The following TAFA1 variants were observed in gnomAD, a reference collection of about 807,000 sequenced individuals.
TAFA1 encodes chemokine-like protein TAFA-1.
A neutral mutation model predicts 18.5 loss-of-function variants in TAFA1; 4 were observed. That is an observed-to-expected ratio of 0.22 (90% confidence interval 0.11 to 0.49). The LOEUF is 0.49. TAFA1 is among the 20% of genes least tolerant of loss of function. The pLI, the probability that TAFA1 is intolerant of heterozygous loss-of-function variation, is 0.98. For missense variants in TAFA1, 147 were observed against 169.0 expected, an observed-to-expected ratio of 0.87 and a Z score of 0.72; for synonymous variants, 56 against 55.2, an observed-to-expected ratio of 1.01 and a Z score of -0.06.
At chr3:68,185,236 G>A (rs1362041863) in intron 2 of TAFA1, among the ~76,000 whole-genome samples, 1 of 152,086 alleles carries the variant, frequency 6.6e-6, no homozygotes, top group Non-Finnish European at 1.5e-5. Flanking sequence ...TAAAGTGAGG[G>A]TAAGAAGGGA....
At position 68,186,030 on chromosome 3, in the gene TAFA1, G is replaced by A. The variant is rs561663928; in HGVS notation, c.118+179286G>A. On this transcript the variant is annotated intron_variant, in intron 2 of 4. Coordinates refer to ENST00000478136, the MANE Select transcript of TAFA1 (RefSeq NM_213609.4). The stretch of plus-strand genomic sequence containing the variant: ...TGCTCCTTGTCAAAAAGGGAGGTGA[G>A]CAGTGTTAGGAGGTAAAGTCCTCCA... Among the ~76,000 whole-genome samples the A allele has an allele frequency of 3.3e-5, 5 of 152,208 alleles. No homozygotes were observed. In the East Asian group the frequency reaches 7.7e-4, roughly 24 times the overall value.
intron 2 of TAFA1, among the ~76,000 whole-genome samples, chr3:68,261,822 C>T (rs1248559863): frequency 4.0e-5 from 6 of 151,818 alleles, no homozygotes; most frequent in East Asian, 1.9e-4. Flanking sequence ...TGCTAAATGA[C>T]GAGTTAATGT....
intron 3 of TAFA1, among the ~76,000 whole-genome samples, chr3:68,497,296 C>T (rs1575923548): frequency 6.6e-6 from 1 of 152,012 alleles, no homozygotes; most frequent in East Asian, 1.9e-4. Flanking sequence ...GTTAGTAGGC[C>T]ACTGGAATGT....
intron 4 of TAFA1, 91 bp downstream of exon 4, chr3:68,538,971 A>C: frequency 4.4e-6 from 6 of 1,353,146 alleles, no homozygotes; most frequent in Non-Finnish European, 6.1e-6. Context: ...GAAGCTTTGC[A>C]CAGGAGAGAA....
At chr3:68,292,734 G>C (rs76991685) in intron 2 of TAFA1, among the ~76,000 whole-genome samples, 3,368 of 152,026 alleles carry the variant, frequency 0.022, 122 homozygotes, top group African/African-American at 0.077. Context: ...TGGTAGACAG[G>C]GTCTCGCTAT....
intron 2 of TAFA1, among the ~76,000 whole-genome samples, chr3:68,251,841 T>G (rs2067202167): frequency 6.6e-6 from 1 of 152,214 alleles, no homozygotes; most frequent in Non-Finnish European, 1.5e-5. Flanking sequence ...ATCAGCCATA[T>G]GTAGGTGCCA....
chr3:68,539,932 T>C (rs1000247952), intron 4 of TAFA1, among the ~76,000 whole-genome samples: 16 of 151,964 alleles, frequency 1.1e-4, no homozygotes, highest in Non-Finnish European at 2.1e-4. Flanking sequence ...GCCTGTGGAG[T>C]ATTTTTTAAA....
At chr3:68,135,211 T>C (rs2065593007) in intron 2 of TAFA1, among the ~76,000 whole-genome samples, 1 of 152,164 alleles carries the variant, frequency 6.6e-6, no homozygotes, top group African/African-American at 2.4e-5. Flanking sequence ...GCCTGGAAAA[T>C]GCAGTTTTTT....
chr3:68,306,482 A>C (rs1224910993), intron 2 of TAFA1, among the ~76,000 whole-genome samples: 2 of 151,634 alleles, frequency 1.3e-5, no homozygotes, highest in Non-Finnish European at 2.9e-5. Context: ...TATTCTTTTT[A>C]AACTCACATA....
At chr3:68,541,803 C>T (rs1414883616) in intron 4 of TAFA1, among the ~76,000 whole-genome samples, 1 of 152,168 alleles carries the variant, frequency 6.6e-6, no homozygotes, top group Non-Finnish European at 1.5e-5. Context: ...CTATAAAAGA[C>T]TGTTCCAAAC....
intron 2 of TAFA1, among the ~76,000 whole-genome samples, chr3:68,358,016 T>C (rs1575802498): frequency 6.6e-6 from 1 of 151,982 alleles, no homozygotes; most frequent in African/African-American, 2.4e-5. Context: ...AAAAGTATTA[T>C]GTATTCATTA....
chr3:68,270,959 A>G (rs947896166), intron 2 of TAFA1, among the ~76,000 whole-genome samples: 1 of 152,174 alleles, frequency 6.6e-6, no homozygotes, highest in Non-Finnish European at 1.5e-5. Flanking sequence ...TTTTCCGTCC[A>G]TGTTAATCAA....
chr3:68,399,426 A>G (rs947328589), intron 2 of TAFA1, among the ~76,000 whole-genome samples: 1 of 152,150 alleles, frequency 6.6e-6, no homozygotes, highest in African/African-American at 2.4e-5. Flanking sequence ...TTGACTAAGA[A>G]TCAGTTCAAT....
chr3:68,129,774 C>G lies in TAFA1; in HGVS notation c.118+123030C>G, dbSNP rs182936694. 1.1e-3 allele frequency among the ~76,000 whole-genome samples: 162 copies of G among 152,276 alleles called. 2 individuals are homozygous for G. Among genetic ancestry groups the G allele is most frequent in the Admixed American group, 9.7e-3 (149 of 15,290 alleles). On this transcript the variant is annotated intron_variant, in intron 2 of 4. Coordinates refer to ENST00000478136, the MANE Select transcript of TAFA1 (RefSeq NM_213609.4). ...CTCATCTCTGTAATACAGTGTTTGA[C>G]ATACTGGGTTCCATGGGAATCGTAA...
chr3:68,147,401 C>A (rs1190011378), intron 2 of TAFA1, among the ~76,000 whole-genome samples: 1 of 152,048 alleles, frequency 6.6e-6, no homozygotes, highest in Non-Finnish European at 1.5e-5. Context: ...AATATCCCCC[C>A]CTCCCAACTT....
chr3:68,539,676 T>TTG (rs2073336735), intron 4 of TAFA1, among the ~76,000 whole-genome samples: 2 of 3,538 alleles, frequency 5.7e-4, no homozygotes, highest in East Asian at 0.033. Context: ...TGTGTGTGTG[T>TTG]GTGGGGGGGC....
chr3:68,151,546 G>A (rs1303256769), intron 2 of TAFA1, among the ~76,000 whole-genome samples: 1 of 152,146 alleles, frequency 6.6e-6, no homozygotes, highest in Non-Finnish European at 1.5e-5. Context: ...GAGGGCCTTT[G>A]TGCTGAGTCA....
chr3:68,051,366 A>G (rs1250883324), intron 2 of TAFA1, among the ~76,000 whole-genome samples: 3 of 152,156 alleles, frequency 2.0e-5, no homozygotes, highest in East Asian at 1.9e-4. Flanking sequence ...GATATTTACT[A>G]GTTAAAATTG....
chr3:68,450,850 G>A (rs760132961), intron 3 of TAFA1, among the ~76,000 whole-genome samples: 1 of 152,116 alleles, frequency 6.6e-6, no homozygotes, highest in Non-Finnish European at 1.5e-5. Flanking sequence ...ATGATCTGAT[G>A]TTGTGCTTAT....
Sources: allele counts gnomAD v4.1 joint callset (sites outside exome capture counted in the v4.1 genomes callset), GRCh38; gene constraint gnomAD v4.1.1; transcripts MANE v1.5; gene names NCBI Gene and HGNC (gene_info 2026-07-23, HGNC 2026-07-21).